DGKI: variants seen among roughly 807,000 people sequenced by gnomAD.
The protein encoded by DGKI is DAG kinase iota.
DGKI carries 55 observed loss-of-function variants against 147.5 expected under a neutral mutation model. The observed-to-expected ratio is 0.37, with a 90% CI of 0.30 to 0.47. The LOEUF (loss-of-function observed/expected upper bound fraction) is 0.47, where lower values mean the gene tolerates loss of function less well. Ranked by LOEUF, DGKI falls within the 20% of genes least tolerant of loss-of-function variation. DGKI has a pLI of 1.00. For missense variants in DGKI, 1,007 were observed against 1,323.8 expected (o/e 0.76, Z 3.71); for synonymous variants, 469 against 477.1 (o/e 0.98, Z 0.22).
At chr7:137,450,051 T>A (rs916357687) in intron 27 of DGKI, among the ~76,000 whole-genome samples, 2 of 152,210 alleles carry the variant, frequency 1.3e-5, no homozygotes, top group African/African-American at 4.8e-5. Flanking sequence ...AAATACTGCA[T>A]GTCTCACTCA....
At chr7:137,583,256 G>A (rs1819268925) in intron 14 of DGKI, among the ~76,000 whole-genome samples, 1 of 152,164 alleles carries the variant, frequency 6.6e-6, no homozygotes, top group Non-Finnish European at 1.5e-5. Flanking sequence ...GAAGGACCGA[G>A]AGAGAAACTA....
chr7:137,813,579 G>T (rs1797654142), intron 1 of DGKI, among the ~76,000 whole-genome samples: 1 of 152,138 alleles, frequency 6.6e-6, no homozygotes, highest in Admixed American at 6.6e-5. Flanking sequence ...AAAACAGAAA[G>T]AAACTGATGT....
chr7:137,448,278 C>G, intron 27 of DGKI, among the ~76,000 whole-genome samples: 1 of 138,124 alleles, frequency 7.2e-6, no homozygotes, highest in Non-Finnish European at 1.5e-5. Context: ...TAAGACCGAC[C>G]ATCCATCCCA....
intron 20 of DGKI, among the ~76,000 whole-genome samples, chr7:137,534,918 T>A (rs546441590): frequency 6.6e-6 from 1 of 152,224 alleles, no homozygotes; most frequent in East Asian, 1.9e-4. Context: ...TAATCCAACA[T>A]GACTAGTGTC....
chr7:137,671,508 T>C (rs1822842675), intron 3 of DGKI, among the ~76,000 whole-genome samples: 1 of 152,238 alleles, frequency 6.6e-6, no homozygotes, highest in African/African-American at 2.4e-5. Context: ...CTCCATGACA[T>C]TGAACCATAG....
At chr7:137,577,837 C>T (rs562874337) in intron 16 of DGKI, among the ~76,000 whole-genome samples, 25 of 152,188 alleles carry the variant, frequency 1.6e-4, no homozygotes, top group Non-Finnish European at 3.2e-4. Flanking sequence ...CTCACGTATG[C>T]GTCCATGAAA....
At chr7:137,783,702 AAAGAGTCTT>A (rs1360826988) in intron 1 of DGKI, among the ~76,000 whole-genome samples, 5 of 152,238 alleles carry the variant, frequency 3.3e-5, no homozygotes, top group Non-Finnish European at 7.3e-5. Flanking sequence ...CAGACAAAGG[AAAGAGTCTT>A]AAGAGCTGTG....
At chr7:137,535,840 G>A (rs777516755) in intron 20 of DGKI, among the ~76,000 whole-genome samples, 1 of 152,244 alleles carries the variant, frequency 6.6e-6, no homozygotes, top group African/African-American at 2.4e-5. Flanking sequence ...ACACAGGAAC[G>A]ATTCCTCCAC....
At chr7:137,618,140 TATATATA>T (rs1403129112) in intron 8 of DGKI, among the ~76,000 whole-genome samples, 2 of 10,770 alleles carry the variant, frequency 1.9e-4, no homozygotes, top group Non-Finnish European at 4.4e-4. Flanking sequence ...TATATATATA[TATATATA>T]TATATTTTTT....
chr7:137,772,570 A>G (rs546625216), intron 1 of DGKI, among the ~76,000 whole-genome samples: 1 of 152,120 alleles, frequency 6.6e-6, no homozygotes, highest in Non-Finnish European at 1.5e-5. Context: ...TCTGTTCCCC[A>G]TCCTGCTCAC....
intron 10 of DGKI, among the ~76,000 whole-genome samples, chr7:137,601,654 A>C (rs972770026): frequency 2.6e-5 from 4 of 152,254 alleles, no homozygotes; most frequent in African/African-American, 7.2e-5. Flanking sequence ...AATCACTAAC[A>C]GTCACGTATC....
At chr7:137,532,164 A>G (rs1422402968) in intron 20 of DGKI, among the ~76,000 whole-genome samples, 1 of 152,204 alleles carries the variant, frequency 6.6e-6, no homozygotes, top group Non-Finnish European at 1.5e-5. Flanking sequence ...CACATAACCC[A>G]ATTATGTATA....
chr7:137,844,911 C>G (rs1798665009), intron 1 of DGKI, among the ~76,000 whole-genome samples: 1 of 152,206 alleles, frequency 6.6e-6, no homozygotes, highest in East Asian at 1.9e-4. Context: ...TTCCAACTCA[C>G]AGCTCCTAAA....
chr7:137,602,169 C>A (rs1820013269), intron 10 of DGKI, among the ~76,000 whole-genome samples: 1 of 152,284 alleles, frequency 6.6e-6, no homozygotes, highest in Admixed American at 6.5e-5. Flanking sequence ...GTTCTTTGTT[C>A]AGTTTTAGAT....
At chr7:137,665,400 C>T (rs1169858406) in intron 3 of DGKI, among the ~76,000 whole-genome samples, 1 of 152,192 alleles carries the variant, frequency 6.6e-6, no homozygotes, top group Non-Finnish European at 1.5e-5. Context: ...AGGAGGGCTT[C>T]AATCCTACCC....
At chr7:137,541,151 C>A in intron 20 of DGKI, among the ~76,000 whole-genome samples, 1 of 152,040 alleles carries the variant, frequency 6.6e-6, no homozygotes, top group East Asian at 1.9e-4. Context: ...TATAAAGGTA[C>A]AATAATAGAA....
intron 16 of DGKI, 145 bp from the exon 17 acceptor site, chr7:137,577,429 G>A (rs747973683): frequency 2.7e-5 from 17 of 623,382 alleles, no homozygotes; most frequent in Non-Finnish European, 4.8e-5. Flanking sequence ...AAGTAAAGCA[G>A]TGCAGTAGTT....
At chr7:137,722,905 T>C in intron 1 of DGKI, 1 of 626,154 alleles carries the variant, frequency 1.6e-6, no homozygotes, top group Admixed American at 3.0e-5. Context: ...AAAAAAAAAG[T>C]ATAGCATAGT....
intron 3 of DGKI, among the ~76,000 whole-genome samples, chr7:137,670,603 C>A (rs1207483413): frequency 6.6e-6 from 1 of 152,186 alleles, no homozygotes; most frequent in Non-Finnish European, 1.5e-5. Flanking sequence ...TGTGAAAATT[C>A]TTTTCTTATT....
Sources: gnomAD v4.1 joint callset for allele counts (sites outside exome capture counted in the v4.1 genomes callset) on GRCh38, gnomAD v4.1.1 for gene constraint, MANE v1.5 for transcripts, NCBI Gene and HGNC (gene_info 2026-07-23, HGNC 2026-07-21) for gene names.